Variants in PARD3B observed in about 807,000 individuals in gnomAD.
PARD3B encodes the protein partitioning defective 3 homolog B.
A neutral mutation model predicts 130.2 loss-of-function variants in PARD3B; 103 were observed. The observed-to-expected ratio is 0.79, with a 90% CI of 0.67 to 0.93. PARD3B has a LOEUF of 0.93. Among genes scored for constraint, PARD3B ranks in the 40% least tolerant of loss-of-function variants. The pLI, the probability that PARD3B is intolerant of heterozygous loss-of-function variation, is 0.00. For synonymous variants in PARD3B, 583 were observed against 553.2 expected (o/e 1.05, Z -0.76); for missense variants, 1,609 against 1,499.2 (o/e 1.07, Z -1.21).
At chr2:205,610,286 A>G (rs1318430435) in intron 22 of PARD3B, among the ~76,000 whole-genome samples, 1 of 152,142 alleles carries the variant, frequency 6.6e-6, no homozygotes, top group Non-Finnish European at 1.5e-5. Flanking sequence ...CCCAGGTACC[A>G]CACTTGTAAC....
intron 2 of PARD3B, among the ~76,000 whole-genome samples, chr2:204,824,059 C>G (rs983930601): frequency 6.6e-6 from 1 of 152,138 alleles, no homozygotes; most frequent in African/African-American, 2.4e-5. Context: ...AAGCACTTCT[C>G]TAATAATCTG....
At chr2:205,045,183 A>T (rs1424077955) in intron 3 of PARD3B, among the ~76,000 whole-genome samples, 1 of 150,602 alleles carries the variant, frequency 6.6e-6, no homozygotes, top group Non-Finnish European at 1.5e-5. Flanking sequence ...CTTCTAGGAT[A>T]CACTATAATA....
rs62171551 is a variant in PARD3B, at chr2:205,470,187, G to A, written c.3044+29515G>A. On this transcript the variant is annotated intron_variant, in intron 20 of 22. Transcript: ENST00000406610. This position sits in a 1 kb window ranked among gnomAD's most constrained non-coding sequence, Gnocchi z 4.8. ...ATGGTTCTGCAATTCTTTAATGGAAGCAAAATAGGAGTTCAGGTTGCTCTG... is the reference window on the plus strand; with the variant it reads ...ATGGTTCTGCAATTCTTTAATGGAAACAAAATAGGAGTTCAGGTTGCTCTG... 0.031 allele frequency among the ~76,000 whole-genome samples: 4,728 copies of A among 152,264 alleles called. 134 individuals carry two copies. Among genetic ancestry groups the A allele is most frequent in the Middle Eastern group, 0.11 (32 of 294 alleles).
At chr2:204,836,838 G>T (rs537219835) in intron 2 of PARD3B, among the ~76,000 whole-genome samples, 1 of 152,066 alleles carries the variant, frequency 6.6e-6, no homozygotes, top group East Asian at 1.9e-4. Flanking sequence ...TTGTGGGTGA[G>T]TTTTTTCCTT....
intron 4 of PARD3B, among the ~76,000 whole-genome samples, chr2:205,060,866 G>A (rs78053590): frequency 0.064 from 9,663 of 152,110 alleles, 339 homozygotes; most frequent in Middle Eastern, 0.18. Flanking sequence ...ATTCAATTAT[G>A]ATGGCAGTTT....
chr2:204,920,125 C>A (rs2047611879), intron 2 of PARD3B, among the ~76,000 whole-genome samples: 1 of 152,086 alleles, frequency 6.6e-6, no homozygotes, highest in African/African-American at 2.4e-5. Context: ...ATCTATTGCC[C>A]CCTTCAGTTG....
chr2:204,880,883 C>T (rs80083315), intron 2 of PARD3B, among the ~76,000 whole-genome samples: 2,035 of 152,148 alleles, frequency 0.013, 38 homozygotes, highest in African/African-American at 0.033. Flanking sequence ...TTAGAACAAA[C>T]GTGCTACAGT....
rs750244958 is a variant in PARD3B at position 205,421,060 on chromosome 2, G to A, written c.2742-19310G>A. 7.2e-5 allele frequency among the ~76,000 whole-genome samples: 11 copies of A among 152,038 alleles called. No individual in the cohort carries two copies. The highest frequency in any genetic ancestry group is 1.2e-4 in the Non-Finnish European group (8 of 68,034). On this transcript the variant is annotated intron_variant, in intron 19 of 22. Transcript: ENST00000406610. The surrounding 1 kb of genome is among the most constrained non-coding windows in gnomAD (Gnocchi z 5.1). ...GGGGGCCAAGGCAGGAGAATCACTT[G>A]AACCCGGAGGGAGTGAGCCAAGGTC...
chr2:205,325,894 A>T lies in PARD3B; in HGVS notation c.2630+24193A>T, dbSNP rs12468755. Among the ~76,000 whole-genome samples the T allele has an allele frequency of 2.6e-5, 4 of 151,976 alleles. No individual in the cohort carries two copies. Among genetic ancestry groups the T allele is most frequent in the East Asian group, 1.9e-4 (1 of 5,176 alleles). ...AATAAAAATAAATAAAACAATTGTGAGAGCAAATAAACACAAAAACATCCT... is the reference window on the plus strand; with the variant it reads ...AATAAAAATAAATAAAACAATTGTGTGAGCAAATAAACACAAAAACATCCT... On this transcript the variant is annotated intron_variant, in intron 18 of 22. Coordinates refer to ENST00000406610, the MANE Select transcript of PARD3B (RefSeq NM_001302769.2). This position sits in a 1 kb window ranked among gnomAD's most constrained non-coding sequence, Gnocchi z 4.1.
intron 11 of PARD3B, among the ~76,000 whole-genome samples, chr2:205,169,043 C>T (rs140963060): frequency 4.9e-4 from 74 of 152,234 alleles, no homozygotes; most frequent in African/African-American, 1.6e-3. Context: ...CATCTGTAAA[C>T]GGAAGAGGTT....
intron 5 of PARD3B, among the ~76,000 whole-genome samples, chr2:205,111,561 G>A (rs1404370168): frequency 6.6e-6 from 1 of 151,962 alleles, no homozygotes; most frequent in African/African-American, 2.4e-5. Flanking sequence ...TTGAGTGGGA[G>A]TAAAGAAATA....
At chr2:205,468,360 G>A (rs1423205345) in intron 20 of PARD3B, among the ~76,000 whole-genome samples, 2 of 152,164 alleles carry the variant, frequency 1.3e-5, no homozygotes, top group Non-Finnish European at 2.9e-5. Flanking sequence ...TTACAGCAGA[G>A]CCTTCTCTTT....
In PARD3B at chr2:205,265,815, A is replaced by G. The variant is rs1286608083; in HGVS notation, c.2185+19993A>G. 1.3e-5 allele frequency among the ~76,000 whole-genome samples: 2 copies of G among 152,068 alleles called. No homozygotes were observed. Among genetic ancestry groups the G allele is most frequent in the Non-Finnish European group, 2.9e-5 (2 of 67,938 alleles). On this transcript the variant is annotated intron_variant, in intron 16 of 22. Transcript: ENST00000406610. This position sits in a 1 kb window ranked among gnomAD's most constrained non-coding sequence, Gnocchi z 4.3. ...GGAATTTTCAGAGATGAATTTTATC[A>G]AATACATATTTTTAAATTAAATGGG...
chr2:205,571,824 T>C (rs1036044739), intron 22 of PARD3B, among the ~76,000 whole-genome samples: 3 of 152,232 alleles, frequency 2.0e-5, no homozygotes, highest in Admixed American at 2.0e-4. Context: ...ATTAGGCATT[T>C]AGGGAGGCAC....
chr2:204,937,651 G>A (rs1329655863), intron 2 of PARD3B, among the ~76,000 whole-genome samples: 4 of 152,114 alleles, frequency 2.6e-5, no homozygotes, highest in African/African-American at 7.2e-5. Flanking sequence ...ATGTGTCAGC[G>A]CCACTACAGA....
chr2:205,179,120 CA>C (rs1331123566), intron 13 of PARD3B, among the ~76,000 whole-genome samples: 1 of 151,072 alleles, frequency 6.6e-6, no homozygotes, highest in Non-Finnish European at 1.5e-5. Context: ...CAGGTTTTAC[CA>C]AAAAAGTTTA....
At chr2:205,392,797 C>T (rs1434059848) in intron 18 of PARD3B, among the ~76,000 whole-genome samples, 1 of 152,180 alleles carries the variant, frequency 6.6e-6, no homozygotes, top group African/African-American at 2.4e-5. Flanking sequence ...TTGCCTCCCT[C>T]TTTAAAAGCT....
At chr2:205,410,064 C>T (rs2046545954) in intron 19 of PARD3B, among the ~76,000 whole-genome samples, 2 of 152,058 alleles carry the variant, frequency 1.3e-5, no homozygotes, top group Non-Finnish European at 2.9e-5. Context: ...GTTGAATATC[C>T]CTTATCCAAA....
chr2:204,680,787 G>A (rs1398660373), intron 1 of PARD3B, among the ~76,000 whole-genome samples: 1 of 151,808 alleles, frequency 6.6e-6, no homozygotes, highest in Admixed American at 6.6e-5. Context: ...CAAACAGCTG[G>A]GCATTTTTGA....
Sources: allele counts gnomAD v4.1 joint callset (sites outside exome capture counted in the v4.1 genomes callset), GRCh38; gene constraint gnomAD v4.1.1; non-coding constraint Gnocchi (gnomAD v3.1); transcripts MANE v1.5; gene names NCBI Gene and HGNC (gene_info 2026-07-23, HGNC 2026-07-21).